The following NUP153 variants were observed in gnomAD, a reference collection of about 807,000 sequenced individuals.
NUP153 encodes the protein nucleoporin 153, also known as nuclear pore complex protein Nup153.
In NUP153, 27 loss-of-function variants were observed where a neutral mutation model predicts 134.6. The ratio of observed to expected loss-of-function variants is 0.20; its 90% CI spans 0.15 to 0.28. The LOEUF (loss-of-function observed/expected upper bound fraction) is 0.28. NUP153 is among the 10% of genes least tolerant of loss of function. The probability of loss-of-function intolerance (pLI) is 1.00; values close to 1 mark genes in which losing one functional copy is unlikely to be tolerated. For missense variants in NUP153, 1,821 were observed against 1,731.3 expected (o/e 1.05, Z -0.92); for synonymous variants, 640 against 623.5 (o/e 1.03, Z -0.40).
In NUP153 at chr6:17,662,037, T is replaced by C; in HGVS notation, c.1249A>G (p.Asn417Asp). Residue 417 changes from asparagine to aspartate, a missense_variant, in exon 10 of 22, where the codon AAT (asparagine) becomes GAT (aspartate). Coordinates refer to ENST00000262077, the MANE Select transcript of NUP153 (RefSeq NM_005124.4). ...GYEKNMTPGQ[N>D]REQRESGFSY... is the part of the protein sequence containing the mutation. Reference sequence around the variant, plus strand: ...CAGTACCTTTCTCGTTGTTCTCTATTTTGTCCGGGTGTCATATTTTTTTCA... The same window carrying C: ...CAGTACCTTTCTCGTTGTTCTCTATCTTGTCCGGGTGTCATATTTTTTTCA... The C allele has an allele frequency of 6.2e-7, 1 of 1,611,158 alleles. No individual in the cohort carries two copies. The highest frequency in any genetic ancestry group is 1.1e-5 in the South Asian group (1 of 90,732).
At position 17,657,931 on chromosome 6, in the gene NUP153, T is replaced by A. The variant is rs139012111; in HGVS notation, c.1395+3722A>T. On this transcript the variant is annotated intron_variant, in intron 11 of 21. Coordinates refer to ENST00000262077, the MANE Select transcript of NUP153 (RefSeq NM_005124.4). The stretch of plus-strand genomic sequence containing the variant: ...TAGCTGATGACTTACTACTTGCTAT[T>A]TATTTTATATTATTTTAGACTGTGG... Among the ~76,000 whole-genome samples, 42 of 152,372 alleles carry A rather than the reference T, an allele frequency of 2.8e-4. No individual in the cohort carries two copies. In the East Asian group the frequency reaches 3.5e-3, roughly 13 times the overall value.
chr6:17,639,786 G>C (rs1765742448), intron 15 of NUP153, among the ~76,000 whole-genome samples, 153 bp downstream of exon 15: 2 of 152,084 alleles, frequency 1.3e-5, no homozygotes, highest in African/African-American at 4.8e-5. Context: ...GATATTTCCA[G>C]CAAAAGAATT....
Position 17,628,627 on chromosome 6 carries a change from AT to A in NUP153, c.3544+27del. The A allele has an allele frequency of 8.3e-7, 1 of 1,211,872 alleles. No homozygotes were observed. Among genetic ancestry groups the A allele is most frequent in the Non-Finnish European group, 1.0e-6 (1 of 958,240 alleles). The allele number at this position is 1,211,872 out of a possible 1,614,324, so 75.1% of individuals were successfully genotyped here. A position where few individuals can be genotyped will look rare whatever the true frequency, so the allele number is the denominator to read the frequency against. On this transcript the variant is annotated intron_variant, in intron 18 of 21. Coordinates refer to ENST00000262077, the MANE Select transcript of NUP153 (RefSeq NM_005124.4). This position sits in a 1 kb window ranked among gnomAD's most constrained non-coding sequence, Gnocchi z 5.4. ...ACAACTTGTAAAAAAAAAAATAATA[AT>A]AATAATAATAAAAAGTTAATACTTA...
At chr6:17,699,050 G>T (rs1448969406) in intron 1 of NUP153, among the ~76,000 whole-genome samples, 1 of 152,094 alleles carries the variant, frequency 6.6e-6, no homozygotes, top group Admixed American at 6.6e-5. Context: ...AATATCTATA[G>T]ATAGAAAAGG....
chr6:17,665,271 T>C lies in NUP153; in HGVS notation c.1183A>G (p.Lys395Glu). ...PSLTPSGEFR[K>E]TNQRIDNKCS... Reference sequence around the variant, plus strand: ...TTGTTATCTATTCTTTGATTAGTCTTCCTGAATTCACCAGAAGGAGTCAGA... The same window carrying C: ...TTGTTATCTATTCTTTGATTAGTCTCCCTGAATTCACCAGAAGGAGTCAGA... Residue 395 changes from lysine to glutamate, a missense_variant, in exon 9 of 22, where the codon AAG becomes GAG. By Grantham distance (56) the Lys-to-Glu change is moderately conservative (BLOSUM62 1). Coordinates refer to ENST00000262077, the MANE Select transcript of NUP153 (RefSeq NM_005124.4). The C allele has an allele frequency of 6.2e-7, 1 of 1,609,472 alleles. No individual in the cohort carries two copies. Among genetic ancestry groups the C allele is most frequent in the Non-Finnish European group, 8.5e-7 (1 of 1,175,858 alleles).
In NUP153 at chr6:17,675,289, G is replaced by A. The variant is rs780860400; in HGVS notation, c.663C>T (p.His221=). ...CTGGTTTTTTTGAGCTGGTGGCAGT[G>A]TGCTGTGAGAGTGAGTGAGAACGTT... ...EAERSHSLSQ[H]TATSSKKPAF... Residue 221 remains histidine, a synonymous_variant, in exon 4 of 22, where the codon CAC becomes CAT. Transcript: ENST00000262077. The surrounding 1 kb of genome is among the most constrained non-coding windows in gnomAD (Gnocchi z 4.4). 1.2e-6 allele frequency: 2 copies of A among 1,614,162 alleles called. No homozygotes were observed. Among genetic ancestry groups the A allele is most frequent in the South Asian group, 2.2e-5 (2 of 91,086 alleles).
At chr6:17,629,571 C>G in intron 17 of NUP153, 32 bp from the exon 18 acceptor site, 1 of 1,535,768 alleles carries the variant, frequency 6.5e-7, no homozygotes, top group Non-Finnish European at 8.7e-7. Context: ...CACATAGACA[C>G]TCAATGTACT....
intron 14 of NUP153, among the ~76,000 whole-genome samples, chr6:17,642,366 C>G (rs967002811): frequency 4.9e-5 from 7 of 143,516 alleles, no homozygotes; most frequent in Admixed American, 1.4e-4. Context: ...TCTTATAACT[C>G]AGTAACAAAA....
chr6:17,694,270 G>C (rs1272085878), intron 1 of NUP153, among the ~76,000 whole-genome samples: 1 of 152,262 alleles, frequency 6.6e-6, no homozygotes, highest in East Asian at 1.9e-4. Context: ...TTACCTCCAT[G>C]AGTTAGTATA....
intron 1 of NUP153, among the ~76,000 whole-genome samples, chr6:17,705,678 G>A (rs1183842744): frequency 1.3e-5 from 2 of 151,960 alleles, no homozygotes; most frequent in African/African-American, 4.8e-5. Flanking sequence ...ACTATAACCT[G>A]GTTAATAAAA....
At chr6:17,648,836 T>G (rs1156591394) in intron 12 of NUP153, among the ~76,000 whole-genome samples, 1 of 151,318 alleles carries the variant, frequency 6.6e-6, no homozygotes. Context: ...CATTAAAAGA[T>G]GTTACGCCTA....
intron 9 of NUP153, 96 bp from the exon 10 acceptor site, chr6:17,662,166 G>A (rs373945530): frequency 1.0e-4 from 109 of 1,091,344 alleles, no homozygotes; most frequent in Middle Eastern, 7.9e-4. Flanking sequence ...TTAGAATCAG[G>A]AATTTGATGG....
intron 1 of NUP153, among the ~76,000 whole-genome samples, chr6:17,691,687 C>T (rs1392323753): frequency 1.3e-5 from 2 of 151,884 alleles, no homozygotes; most frequent in Non-Finnish European, 2.9e-5. Context: ...ATCGCTTGAA[C>T]GTGGGAGGCA....
At chr6:17,693,183 T>TACACACACACAC (rs67348223) in intron 1 of NUP153, among the ~76,000 whole-genome samples, 7,020 of 145,810 alleles carry the variant, frequency 0.048, 216 homozygotes, top group Middle Eastern at 0.09. Flanking sequence ...AGCTTTTTCC[T>TACACACACACAC]ACACACACAC....
intron 15 of NUP153, among the ~76,000 whole-genome samples, chr6:17,639,507 C>CT (rs895842408): frequency 6.6e-6 from 1 of 152,174 alleles, no homozygotes; most frequent in African/African-American, 2.4e-5. Flanking sequence ...TCAAATCTTG[C>CT]TTCAATTCAA....
At position 17,626,030 on chromosome 6, in the gene NUP153, C is replaced by G; in HGVS notation, c.3679G>C (p.Val1227Leu). 1 of 1,614,172 alleles carries G rather than the reference C, an allele frequency of 6.2e-7. No homozygotes were observed. Among genetic ancestry groups the G allele is most frequent in the South Asian group, 1.1e-5 (1 of 91,082 alleles). ...ACAGGATTGCTGGACTGTCCAAACA[C>G]AAAGGTAGCCACAGGTGGATTGGAG... ...SSSNPPVATF[V>L]FGQSSNPVSS... Residue 1227 changes from valine to leucine, a missense_variant, in exon 19 of 22, where the codon GTG becomes CTG. Transcript: ENST00000262077.
chr6:17,620,095 C>CAAAAAAAAAAAA (rs58013807), intron 20 of NUP153, among the ~76,000 whole-genome samples: 1 of 63,002 alleles, frequency 1.6e-5, no homozygotes, highest in African/African-American at 7.8e-5. Flanking sequence ...AAGACACCAT[C>CAAAAAAAAAAAA]AAAAAAAAAA....
intron 16 of NUP153, among the ~76,000 whole-genome samples, chr6:17,636,212 G>C (rs1300995907): frequency 6.6e-6 from 1 of 151,962 alleles, no homozygotes; most frequent in Admixed American, 6.6e-5. Flanking sequence ...GCATGCACCT[G>C]TAATTCCAGC....
chr6:17,662,957 T>C (rs1054818191), intron 9 of NUP153, among the ~76,000 whole-genome samples: 2 of 152,118 alleles, frequency 1.3e-5, no homozygotes, highest in African/African-American at 4.8e-5. Flanking sequence ...TGTTCTAGAC[T>C]AAAGGAGATG....
Sources: gnomAD v4.1 joint callset for allele counts (sites outside exome capture counted in the v4.1 genomes callset) on GRCh38, gnomAD v4.1.1 for gene constraint, Gnocchi (gnomAD v3.1) non-coding constraint, MANE v1.5 for transcripts, NCBI Gene and HGNC (gene_info 2026-07-23, HGNC 2026-07-21) for gene names.